Variants in STRBP observed in about 807,000 individuals in gnomAD.
STRBP encodes spermatid perinuclear RNA-binding protein.
In STRBP, 13 loss-of-function variants were observed where a neutral mutation model predicts 80.1. The ratio of observed to expected loss-of-function variants is 0.16; its 90% CI spans 0.11 to 0.26. The LOEUF (loss-of-function observed/expected upper bound fraction) is 0.26, where lower values mean the gene tolerates loss of function less well. STRBP is among the 10% of genes least tolerant of loss of function. The probability of loss-of-function intolerance (pLI) is 1.00; values close to 1 mark genes in which losing one functional copy is unlikely to be tolerated. For synonymous variants in STRBP, 284 were observed against 291.2 expected, an observed-to-expected ratio of 0.98 and a Z score of 0.25; for missense variants, 485 against 815.2, an observed-to-expected ratio of 0.59 and a Z score of 4.93.
Position 123,158,005 on chromosome 9 carries a change from T to C in STRBP, c.1045+7A>G, listed in dbSNP as rs763820265. On this transcript the variant is annotated splice_region_variant and intron_variant, in intron 11 of 18. Transcript: ENST00000348403. ...CCCCAACCCTAATAAAAAACTTCCA[T>C]GCTCACCTTCTTTATCAGTAACTGA... 5 of 1,606,768 alleles carry C rather than the reference T, an allele frequency of 3.1e-6. No homozygotes were observed. The highest frequency in any genetic ancestry group is 1.1e-5 in the South Asian group (1 of 90,710).
Position 123,124,872 on chromosome 9 carries a change from G to A in STRBP, c.*725C>T, listed in dbSNP as rs1366096479. ...TGGGGATGGCCCTTGTACAACAGGA[G>A]TACAAAGGGCTTACAAAGTGAGTAG... is the stretch of plus-strand genomic sequence containing the variant. On this transcript the variant is annotated 3_prime_UTR_variant, in exon 19 of 19. Coordinates refer to ENST00000348403, the MANE Select transcript of STRBP (RefSeq NM_018387.5). The A allele has an allele frequency of 1.0e-6, 1 of 985,398 alleles. No individual in the cohort carries two copies. Among genetic ancestry groups the A allele is most frequent in the Non-Finnish European group, 1.2e-6 (1 of 829,944 alleles). The allele number at this position is 985,398 out of a possible 1,614,324, so 61.0% of individuals were successfully genotyped here.
At chr9:123,150,112 G>A (rs2132361749) in intron 11 of STRBP, among the ~76,000 whole-genome samples, 1 of 152,268 alleles carries the variant, frequency 6.6e-6, no homozygotes, top group Non-Finnish European at 1.5e-5. Flanking sequence ...GTCCCAGGCA[G>A]AGAAAAATAA....
rs375657328 is a variant in STRBP at position 123,178,982 on chromosome 9, G to A, written c.224+25C>T. On this transcript the variant is annotated intron_variant, in intron 4 of 18. Coordinates refer to ENST00000348403, the MANE Select transcript of STRBP (RefSeq NM_018387.5). Reference sequence around the variant, plus strand: ...GCTTTGCTGTGCACTCTAGCACAGCGTCCCAGAGGTCAGTCCACACTCACT... The same window carrying A: ...GCTTTGCTGTGCACTCTAGCACAGCATCCCAGAGGTCAGTCCACACTCACT... 64 of 1,607,182 alleles carry A rather than the reference G, an allele frequency of 4.0e-5. No homozygotes were observed. The Middle Eastern group carries it at 6.6e-4, about 17-fold the overall frequency.
downstream of STRBP, among the ~76,000 whole-genome samples, chr9:123,116,730 T>C (rs576871382): frequency 1.8e-4 from 28 of 152,074 alleles, no homozygotes; most frequent in African/African-American, 6.5e-4. Flanking sequence ...GAACGGACAT[T>C]GGTGCCTACT....
chr9:123,260,189 T>C (rs1281170159), intron 1 of STRBP, among the ~76,000 whole-genome samples: 1 of 152,204 alleles, frequency 6.6e-6, no homozygotes. Context: ...AATAATGATG[T>C]TGCAGGAGAG....
chr9:123,241,512 G>A (rs548932027), intron 1 of STRBP, among the ~76,000 whole-genome samples: 1 of 149,526 alleles, frequency 6.7e-6, no homozygotes, highest in Non-Finnish European at 1.5e-5. Flanking sequence ...TTGTCAACCC[G>A]CACACACAAA....
At chr9:123,224,781 AAAAAGATACT>A (rs2040182246) in intron 2 of STRBP, among the ~76,000 whole-genome samples, 1 of 152,204 alleles carries the variant, frequency 6.6e-6, no homozygotes, top group Non-Finnish European at 1.5e-5. Context: ...GGAAAGTGAA[AAAAAGATACT>A]TAAAACTTTT....
chr9:123,194,379 CTCAGTAA>C (rs1195028863), intron 2 of STRBP, among the ~76,000 whole-genome samples: 1 of 152,124 alleles, frequency 6.6e-6, no homozygotes, highest in Non-Finnish European at 1.5e-5. Flanking sequence ...TGGGATGTCA[CTCAGTAA>C]TCATCCCCTC....
intron 2 of STRBP, among the ~76,000 whole-genome samples, chr9:123,200,733 A>ATTTTTTTTTTT (rs1193917775): frequency 1.4e-4 from 1 of 7,270 alleles, no homozygotes. Flanking sequence ...ACACCCCGCT[A>ATTTTTTTTTTT]ATTTTTTTTT....
rs1280047407 is a variant in STRBP at position 123,139,676 on chromosome 9, T to C, written c.1350A>G (p.Ala450=). The C allele has an allele frequency of 6.2e-7, 1 of 1,611,624 alleles. No individual in the cohort carries two copies. Residue 450 remains alanine, a synonymous_variant, in exon 14 of 19, where the codon GCA becomes GCG. Coordinates refer to ENST00000348403, the MANE Select transcript of STRBP (RefSeq NM_018387.5). ...CATCAAAGCCTGTTGGATATCCCAT[T>C]GCCTGCAATACCTGTACAAATTACA... ...KLHVAVKVLQ[A]MGYPTGFDAD...
At chr9:123,145,149 C>T (rs2036760121) in intron 13 of STRBP, among the ~76,000 whole-genome samples, 1 of 152,192 alleles carries the variant, frequency 6.6e-6, no homozygotes, top group Non-Finnish European at 1.5e-5. Flanking sequence ...AAACCATTAA[C>T]AATTTCCTCA....
chr9:123,168,138 A>G, intron 6 of STRBP: 1 of 752,908 alleles, frequency 1.3e-6, no homozygotes, highest in East Asian at 1.3e-4. Flanking sequence ...TTACAACACT[A>G]CTTAGAAATG....
intron 1 of STRBP, among the ~76,000 whole-genome samples, chr9:123,254,139 C>T (rs1460603914): frequency 6.6e-6 from 1 of 152,076 alleles, no homozygotes; most frequent in Non-Finnish European, 1.5e-5. Flanking sequence ...TGGTTAGTGA[C>T]CAACTCAGCT....
At chr9:123,226,755 T>C (rs529225108) in intron 2 of STRBP, among the ~76,000 whole-genome samples, 5 of 152,078 alleles carry the variant, frequency 3.3e-5, no homozygotes, top group African/African-American at 1.2e-4. Flanking sequence ...CTTAGCGGTG[T>C]TGGGGAGTGA....
intron 6 of STRBP, among the ~76,000 whole-genome samples, chr9:123,164,500 C>T (rs1171813487): frequency 6.6e-6 from 1 of 152,170 alleles, no homozygotes; most frequent in Non-Finnish European, 1.5e-5. Context: ...AGAATCACAC[C>T]ATACCACAGG....
At chr9:123,169,254 C>T (rs950905331) in intron 6 of STRBP, among the ~76,000 whole-genome samples, 2 of 151,610 alleles carry the variant, frequency 1.3e-5, no homozygotes, top group African/African-American at 4.9e-5. Context: ...CTGCAACCTC[C>T]GCTTCCTGGG....
chr9:123,122,537 G>C lies in STRBP; in HGVS notation c.*3060C>G. The C allele has an allele frequency of 1.7e-6, 2 of 1,164,390 alleles. No homozygotes were observed. Among genetic ancestry groups the C allele is most frequent in the South Asian group, 1.8e-5 (1 of 55,522 alleles). 72.1% of individuals were successfully genotyped at this position (1,164,390 alleles called of 1,614,324 possible). A position where few individuals can be genotyped will look rare whatever the true frequency, so the allele number is the denominator to read the frequency against. ...TTGAGAGAGACTACAAACGACTTCA[G>C]AACTATATAAACTCAACTCCTTACT... On this transcript the variant is annotated 3_prime_UTR_variant, in exon 19 of 19. Coordinates refer to ENST00000348403, the MANE Select transcript of STRBP (RefSeq NM_018387.5).
intron 2 of STRBP, among the ~76,000 whole-genome samples, chr9:123,213,166 C>G (rs376799630): frequency 1.3e-5 from 2 of 152,284 alleles, no homozygotes; most frequent in African/African-American, 4.8e-5. Context: ...TTGAAAAGCA[C>G]AGTCTTATAT....
At chr9:123,199,106 G>A (rs112873189) in intron 2 of STRBP, among the ~76,000 whole-genome samples, 26 of 152,232 alleles carry the variant, frequency 1.7e-4, no homozygotes, top group East Asian at 7.7e-4. Flanking sequence ...CACCACATCC[G>A]GCTAATTTTT....
Sources: allele counts gnomAD v4.1 joint callset (sites outside exome capture counted in the v4.1 genomes callset), GRCh38; gene constraint gnomAD v4.1.1; transcripts MANE v1.5; gene names NCBI Gene and HGNC (gene_info 2026-07-23, HGNC 2026-07-21).